Variants in SLC20A2 observed in about 807,000 individuals in gnomAD.
SLC20A2 encodes the protein solute carrier family 20 member 2, also known as sodium-dependent phosphate transporter 2.
A neutral mutation model predicts 61.0 loss-of-function variants in SLC20A2; 30 were observed. That is an observed-to-expected ratio of 0.49 (90% confidence interval 0.37 to 0.67). The LOEUF is 0.67. SLC20A2 is among the 30% of genes least tolerant of loss of function. The pLI is 0.00. For missense variants in SLC20A2, 626 were observed against 866.4 expected (o/e 0.72, Z 3.48); for synonymous variants, 351 against 353.3 (o/e 0.99, Z 0.07).
intron 10 of SLC20A2, among the ~76,000 whole-genome samples, chr8:42,423,523 G>A (rs1803180533): frequency 6.6e-6 from 1 of 151,874 alleles, no homozygotes; most frequent in African/African-American, 2.4e-5. Flanking sequence ...TTTTTATCAT[G>A]GTCTTCTGAT....
intron 1 of SLC20A2, among the ~76,000 whole-genome samples, chr8:42,526,628 G>A (rs1285910678): frequency 2.4e-4 from 36 of 150,178 alleles, no homozygotes; most frequent in Admixed American, 1.3e-4. Flanking sequence ...AGCCGAGATC[G>A]CGCCACTGCA....
At chr8:42,507,378 TAA>T (rs1235137433) in intron 1 of SLC20A2, among the ~76,000 whole-genome samples, 62 of 133,088 alleles carry the variant, frequency 4.7e-4, no homozygotes, top group Admixed American at 4.5e-4. Context: ...CCTCTTCAGC[TAA>T]AAAAAAAAAA....
At chr8:42,465,613 C>T (rs1023763091) in intron 3 of SLC20A2, among the ~76,000 whole-genome samples, 164 bp downstream of exon 3, 1 of 151,512 alleles carries the variant, frequency 6.6e-6, no homozygotes, top group African/African-American at 2.4e-5. Flanking sequence ...ATGGCTTGAA[C>T]CCGGGAGGTG....
chr8:42,433,961 C>G (rs992021307), intron 8 of SLC20A2, among the ~76,000 whole-genome samples: 24 of 152,326 alleles, frequency 1.6e-4, no homozygotes, highest in African/African-American at 5.8e-4. Context: ...CACCATTTTA[C>G]ACCCCCACTA....
At chr8:42,485,910 C>A (rs554850696) in intron 1 of SLC20A2, among the ~76,000 whole-genome samples, 26 of 150,056 alleles carry the variant, frequency 1.7e-4, no homozygotes, top group Non-Finnish European at 2.8e-4. Flanking sequence ...TGCGCTGCTG[C>A]ACTCCACCCT....
upstream of SLC20A2, among the ~76,000 whole-genome samples, chr8:42,502,793 A>G (rs1487307103): frequency 1.3e-5 from 2 of 152,250 alleles, no homozygotes; most frequent in African/African-American, 2.4e-5. Context: ...GCTAATGAAC[A>G]GAATTATTCT....
intron 1 of SLC20A2, among the ~76,000 whole-genome samples, chr8:42,512,637 C>T (rs1472590943): frequency 6.6e-6 from 1 of 152,146 alleles, no homozygotes; most frequent in Non-Finnish European, 1.5e-5. Context: ...AGGCCTGAGC[C>T]ACCACGTCCA....
chr8:42,509,462 C>T (rs1489395376), intron 1 of SLC20A2, among the ~76,000 whole-genome samples: 1 of 152,014 alleles, frequency 6.6e-6, no homozygotes, highest in African/African-American at 2.4e-5. Flanking sequence ...TAGCCAGGCA[C>T]AGTGTCATGC....
chr8:42,494,249 C>T (rs1651086658), intron 1 of SLC20A2, among the ~76,000 whole-genome samples: 1 of 152,184 alleles, frequency 6.6e-6, no homozygotes, highest in Non-Finnish European at 1.5e-5. Context: ...CCATAATTAA[C>T]ATATTGGTGT....
chr8:42,469,257 C>T (rs1462617988), intron 2 of SLC20A2, among the ~76,000 whole-genome samples: 2 of 151,832 alleles, frequency 1.3e-5, no homozygotes, highest in African/African-American at 2.4e-5. Context: ...GCAAAGAACC[C>T]GATTTTATGA....
intron 1 of SLC20A2, chr8:42,484,660 G>A (rs1273239713): frequency 1.7e-5 from 6 of 343,190 alleles, no homozygotes; most frequent in Non-Finnish European, 3.4e-5. Context: ...CAGCCCCATG[G>A]TGTCCCCTGA....
intron 1 of SLC20A2, among the ~76,000 whole-genome samples, chr8:42,485,588 G>GA (rs929493179): frequency 1.4e-5 from 2 of 142,060 alleles, no homozygotes; most frequent in African/African-American, 5.4e-5. Context: ...GTTGCAGTGA[G>GA]CCGAGACCGT....
At chr8:42,474,428 T>C (rs905605922) in intron 1 of SLC20A2, among the ~76,000 whole-genome samples, 1 of 152,154 alleles carries the variant, frequency 6.6e-6, no homozygotes, top group South Asian at 2.1e-4. Context: ...ATTTCTAAGA[T>C]TTTTCAGCCT....
chr8:42,447,100 G>C (rs1391167832), intron 5 of SLC20A2, among the ~76,000 whole-genome samples: 1 of 152,056 alleles, frequency 6.6e-6, no homozygotes, highest in Non-Finnish European at 1.5e-5. Flanking sequence ...CCAGCACTTT[G>C]GGAAGCTGAG....
chr8:42,460,914 A>T (rs1395381423), intron 4 of SLC20A2, among the ~76,000 whole-genome samples: 1 of 152,220 alleles, frequency 6.6e-6, no homozygotes, highest in South Asian at 2.1e-4. Context: ...CTGCCATGAT[A>T]AAAGGAAAAT....
chr8:42,453,325 T>A (rs903987898), intron 5 of SLC20A2, among the ~76,000 whole-genome samples: 10 of 152,230 alleles, frequency 6.6e-5, no homozygotes, highest in African/African-American at 2.2e-4. Context: ...GTCATTTTTT[T>A]AAGAACAAAA....
intron 1 of SLC20A2, among the ~76,000 whole-genome samples, chr8:42,486,137 TCA>T (rs1271824306): frequency 8.6e-5 from 11 of 128,282 alleles, no homozygotes; most frequent in Middle Eastern, 3.7e-3. Flanking sequence ...CAGAGCTCTC[TCA>T]CTGTGTGTGT....
At chr8:42,540,262 A>C (rs1470307135) in intron 1 of SLC20A2, among the ~76,000 whole-genome samples, 4 of 152,242 alleles carry the variant, frequency 2.6e-5, no homozygotes, top group Admixed American at 1.3e-4. Flanking sequence ...ATTGCACTCC[A>C]GCCTGAACGA....
intron 1 of SLC20A2, among the ~76,000 whole-genome samples, chr8:42,512,263 C>T (rs1364399126): frequency 6.6e-6 from 1 of 151,858 alleles, no homozygotes; most frequent in African/African-American, 2.4e-5. Flanking sequence ...TTTTTAGTTT[C>T]CCAAACTAAG....
Sources: gnomAD v4.1 joint callset for allele counts (sites outside exome capture counted in the v4.1 genomes callset) on GRCh38, gnomAD v4.1.1 for gene constraint, MANE v1.5 for transcripts, NCBI Gene and HGNC (gene_info 2026-07-23, HGNC 2026-07-21) for gene names.